The following MIA3 variants were observed in gnomAD, a reference collection of about 807,000 sequenced individuals.
The protein encoded by MIA3 is transport and Golgi organization protein 1 homolog.
In MIA3, 90 loss-of-function variants were observed where a neutral mutation model predicts 192.4. The observed-to-expected ratio is 0.47, with a 90% CI of 0.39 to 0.56. The LOEUF (loss-of-function observed/expected upper bound fraction) is 0.56, where lower values mean the gene tolerates loss of function less well. MIA3 is among the 20% of genes least tolerant of loss of function. MIA3 has a pLI of 0.00. For synonymous variants in MIA3, 740 were observed against 792.8 expected, an observed-to-expected ratio of 0.93 and a Z score of 1.12; for missense variants, 2,123 against 2,269.4, an observed-to-expected ratio of 0.94 and a Z score of 1.31.
intron 1 of MIA3, among the ~76,000 whole-genome samples, chr1:222,620,818 G>C (rs919534087): frequency 6.6e-6 from 1 of 151,842 alleles, no homozygotes; most frequent in African/African-American, 2.4e-5. Flanking sequence ...AAACAGAAAA[G>C]ATTGAGGACT....
chr1:222,624,767 G>A lies in MIA3; in HGVS notation c.268-1G>A. The A allele has an allele frequency of 2.0e-6, 3 of 1,506,904 alleles. No individual in the cohort carries two copies. The highest frequency in any genetic ancestry group is 2.8e-6 in the Non-Finnish European group (3 of 1,084,308). 93.3% of individuals were successfully genotyped at this position (1,506,904 alleles called of 1,614,324 possible). A position where few individuals can be genotyped will look rare whatever the true frequency, so the allele number is the denominator to read the frequency against. On this transcript the variant is annotated splice_acceptor_variant, in intron 2 of 27. Transcript: ENST00000344922. LOFTEE classifies it high-confidence loss of function. ...TCCCTTTTGCCCATTCTTTTGTGTA[G>A]GTTGGACGCACTTTTGGATATTTTC...
rs758538857 is a variant in MIA3 at position 222,628,691 on chromosome 1, G to A, written c.1471G>A (p.Glu491Lys). Reference sequence around the variant, plus strand: ...GACAGAATTAGAGGATGAAAATCAAGAAGGCATGACTGTGCACAGTTCTGT... The same window carrying A: ...GACAGAATTAGAGGATGAAAATCAAAAAGGCATGACTGTGCACAGTTCTGT... ...DKTELEDENQ[E>K]GMTVHSSVHS... is the part of the protein sequence containing the mutation. Residue 491 changes from glutamate to lysine, a missense_variant, in exon 4 of 28, where the codon GAA becomes AAA. Glu to Lys is a moderately conservative substitution (Grantham distance 56). Transcript: ENST00000344922. 6.2e-6 allele frequency: 10 copies of A among 1,614,080 alleles called. No individual in the cohort carries two copies. The highest frequency in any genetic ancestry group is 8.5e-6 in the Non-Finnish European group (10 of 1,180,014).
In MIA3 at chr1:222,629,803, T is replaced by G; in HGVS notation, c.2583T>G (p.His861Gln). The change falls in exon 4 of 28, where the codon CAT becomes CAG. Residue 861 changes from histidine to glutamine, a missense_variant. Transcript: ENST00000344922. Reference sequence around the variant, plus strand: ...TGAAGAACGACAACCCTGAGGAACATCTGAAGACCTCAGGGCTTGCAGGGG... The same window carrying G: ...TGAAGAACGACAACCCTGAGGAACAGCTGAAGACCTCAGGGCTTGCAGGGG... ...DYLKNDNPEE[H>Q]LKTSGLAGEP... 1.2e-6 allele frequency: 2 copies of G among 1,614,032 alleles called. No individual in the cohort carries two copies. The highest frequency in any genetic ancestry group is 8.5e-7 in the Non-Finnish European group (1 of 1,179,968).
chr1:222,654,420 A>G lies in MIA3; in HGVS notation c.4409A>G (p.Asp1470Gly). 19 of 1,613,962 alleles carry G rather than the reference A, an allele frequency of 1.2e-5. No individual in the cohort carries two copies. The highest frequency in any genetic ancestry group is 1.6e-5 in the Non-Finnish European group (19 of 1,179,994). The change falls in exon 17 of 28, where the codon GAT (aspartate) becomes GGT (glycine). Residue 1470 changes from aspartate to glycine, a missense_variant. This residue lies in a region of MIA3 where 762 missense variants were observed against 856.4 expected (regional missense o/e 0.89). Transcript: ENST00000344922. ...ACTGCAATATCGGTAGTTGAAGAGG[A>G]TCTAAAGCTTTTACAGCTTAAGCTA... ...TQTAISVVEE[D>G]LKLLQLKLRA...
At chr1:222,642,825 T>C (rs1662923693) in intron 6 of MIA3, among the ~76,000 whole-genome samples, 1 of 152,252 alleles carries the variant, frequency 6.6e-6, no homozygotes, top group Admixed American at 6.5e-5. Flanking sequence ...TGTTTCCATA[T>C]GTTTTTAAAT....
intron 7 of MIA3, 175 bp downstream of exon 7, chr1:222,645,860 GACA>G (rs1489906125): frequency 5.4e-6 from 3 of 555,980 alleles, no homozygotes; most frequent in African/African-American, 3.9e-5. Flanking sequence ...AAGTGAATAA[GACA>G]ACATGTATAA....
rs768741741 is a variant in MIA3, at chr1:222,662,203, A to G, written c.5183-50A>G. On this transcript the variant is annotated intron_variant, in intron 25 of 27. Coordinates refer to ENST00000344922, the MANE Select transcript of MIA3 (RefSeq NM_198551.4). Reference sequence around the variant, plus strand: ...GGATTTTTTTTTTAATCCTCCTCACAGAGTACACAAGTCAGAATAAGTCTA... The same window carrying G: ...GGATTTTTTTTTTAATCCTCCTCACGGAGTACACAAGTCAGAATAAGTCTA... 11 of 1,595,676 alleles carry G rather than the reference A, an allele frequency of 6.9e-6. No homozygotes were observed. In the East Asian group the frequency reaches 2.5e-4, roughly 36 times the overall value.
rs772430920 is a variant in MIA3 at position 222,652,990 on chromosome 1, T to C, written c.4087-18T>C. The C allele has an allele frequency of 1.9e-6, 3 of 1,604,122 alleles. No homozygotes were observed. The Admixed American group carries it at 5.1e-5, about 27-fold the overall frequency. On this transcript the variant is annotated intron_variant, in intron 13 of 27. Transcript: ENST00000344922. ...CAAAAGCCCTAACCTGTGGGAATCA[T>C]GTGTTTTAACTTTGCAGTTGCAGCA...
chr1:222,646,437 G>T (rs1663148106), intron 7 of MIA3, among the ~76,000 whole-genome samples: 1 of 148,206 alleles, frequency 6.7e-6, no homozygotes, highest in Non-Finnish European at 1.5e-5. Flanking sequence ...AAGAAAGAAA[G>T]AAATAACCAA....
intron 2 of MIA3, among the ~76,000 whole-genome samples, chr1:222,623,656 G>A (rs1277894515): frequency 1.3e-5 from 2 of 152,184 alleles, no homozygotes; most frequent in Non-Finnish European, 2.9e-5. Flanking sequence ...TTCAGATCAA[G>A]AGCACTCATG....
At chr1:222,665,170 C>T in intron 27 of MIA3, 139 bp from the exon 28 acceptor site, 1 of 660,362 alleles carries the variant, frequency 1.5e-6, no homozygotes, top group Admixed American at 2.8e-5. Flanking sequence ...TACACTCCAG[C>T]CCATGTGACA....
rs745505263 is a variant in MIA3 at position 222,628,585 on chromosome 1, CAAA to C, written c.1366_1368del (p.Lys456del). ...TAGACATTCCTAAAACAAATAATGA[CAAA>C]GAAGTAAACGCAGAACATCACATTA... is the stretch of plus-strand genomic sequence containing the variant. On this transcript the variant is annotated inframe_deletion, in exon 4 of 28. Transcript: ENST00000344922. The C allele has an allele frequency of 6.8e-6, 11 of 1,613,734 alleles. No homozygotes were observed. Among genetic ancestry groups the C allele is most frequent in the East Asian group, 2.2e-5 (1 of 44,884 alleles).
At chr1:222,652,697 A>T (rs1381567175) in intron 13 of MIA3, among the ~76,000 whole-genome samples, 1 of 152,240 alleles carries the variant, frequency 6.6e-6, no homozygotes, top group African/African-American at 2.4e-5. Flanking sequence ...GGAAGGTTAC[A>T]TGATCAGGAG....
chr1:222,644,635 G>A lies in MIA3; in HGVS notation c.3478-919G>A, dbSNP rs140921659. 1,752 of 1,543,854 alleles carry A rather than the reference G, an allele frequency of 1.1e-3. 11 individuals carry two copies. Among genetic ancestry groups the A allele is most frequent in the South Asian group, 9.0e-3 (756 of 83,846 alleles). Reference sequence around the variant, plus strand: ...GGGACCCAAGCTGTCACAGGCGGGTGGATGAGTTCTAAGCAGAGTGGGTGC... The same window carrying A: ...GGGACCCAAGCTGTCACAGGCGGGTAGATGAGTTCTAAGCAGAGTGGGTGC... On this transcript the variant is annotated intron_variant, in intron 6 of 27. Coordinates refer to ENST00000344922, the MANE Select transcript of MIA3 (RefSeq NM_198551.4).
chr1:222,627,991 A>G lies in MIA3; in HGVS notation c.771A>G (p.Glu257=). The change falls in exon 4 of 28, where the codon GAA becomes GAG. Residue 257 remains glutamate (E), a synonymous_variant. Transcript: ENST00000344922. ...KTSNSSQVSN[E]QDKIDAYKLL... Reference sequence around the variant, plus strand: ...GCAATAGTTCTCAGGTCTCAAATGAACAGGATAAGATTGATGCCTATAAAC... The same window carrying G: ...GCAATAGTTCTCAGGTCTCAAATGAGCAGGATAAGATTGATGCCTATAAAC... 1 of 1,614,120 alleles carries G rather than the reference A, an allele frequency of 6.2e-7. No homozygotes were observed. The highest frequency in any genetic ancestry group is 1.3e-5 in the African/African-American group (1 of 75,042).
intron 8 of MIA3, 41 bp from the exon 9 acceptor site, chr1:222,650,251 T>G: frequency 1.8e-6 from 2 of 1,138,476 alleles, no homozygotes; most frequent in Non-Finnish European, 2.6e-6. Context: ...TCAATTTCAT[T>G]TAGTGATCAT....
chr1:222,628,838 C>G lies in MIA3; in HGVS notation c.1618C>G (p.Leu540Val). ...GAAIHISKGM[L>V]HEEKPGEQIL... ...AGCTATTCATATCTCAAAAGGAATGCTCCACGAAGAAAAGCCTGGAGAGCA... is the reference window on the plus strand; with the variant it reads ...AGCTATTCATATCTCAAAAGGAATGGTCCACGAAGAAAAGCCTGGAGAGCA... The change falls in exon 4 of 28, where the codon CTC becomes GTC. Residue 540 changes from leucine to valine, a missense_variant. Physicochemically the swap from Leu to Val is conservative, Grantham distance 32 (BLOSUM62 1). This residue lies in a region of MIA3 where 1,357 missense variants were observed against 1,396.1 expected (regional missense o/e 0.97). Transcript: ENST00000344922. 1 of 1,614,144 alleles carries G rather than the reference C, an allele frequency of 6.2e-7. No individual in the cohort carries two copies.
rs1219400355 is a variant in MIA3, at chr1:222,618,149, G to T, written c.39G>T (p.Val13=). 1.3e-6 allele frequency: 2 copies of T among 1,508,622 alleles called. No individual in the cohort carries two copies. 93.5% of individuals were successfully genotyped at this position (1,508,622 alleles called of 1,614,324 possible). The change falls in exon 1 of 28, where the codon GTG becomes GTT. Residue 13 remains valine, a synonymous_variant. Coordinates refer to ENST00000344922, the MANE Select transcript of MIA3 (RefSeq NM_198551.4). ...CTGGGCTGCTCGTCTGGCTGCTCGT[G>T]CTCCGGCTGCCCTGGCGGGTGCCGG... ...AAPGLLVWLL[V]LRLPWRVPGQ...
In MIA3 at chr1:222,618,132, C is replaced by T. The variant is rs760366736; in HGVS notation, c.22C>T (p.Leu8Phe). 239 of 1,499,776 alleles carry T rather than the reference C, an allele frequency of 1.6e-4. No individual in the cohort carries two copies. The highest frequency in any genetic ancestry group is 2.0e-4 in the Non-Finnish European group (231 of 1,127,228). The allele number at this position is 1,499,776 out of a possible 1,614,324, so 92.9% of individuals were successfully genotyped here. A position where few individuals can be genotyped will look rare whatever the true frequency, so the allele number is the denominator to read the frequency against. ...CAACATGGCTGCGGCGCCTGGGCTG[C>T]TCGTCTGGCTGCTCGTGCTCCGGCT... MAAAPGL[L>F]VWLLVLRLPW... The change falls in exon 1 of 28, where the codon CTC becomes TTC. Residue 8 changes from leucine (L) to phenylalanine (F), a missense_variant. Leu to Phe is a conservative substitution (Grantham distance 22). This residue lies in a region of MIA3 where 1,357 missense variants were observed against 1,396.1 expected (regional missense o/e 0.97). Coordinates refer to ENST00000344922, the MANE Select transcript of MIA3 (RefSeq NM_198551.4).
Sources: allele counts gnomAD v4.1 joint callset (sites outside exome capture counted in the v4.1 genomes callset), GRCh38; gene constraint gnomAD v4.1.1; regional missense constraint gnomAD v4.1.1; transcripts MANE v1.5; gene names NCBI Gene and HGNC (gene_info 2026-07-23, HGNC 2026-07-21).